Variants in ZNF846 observed in about 807,000 individuals in gnomAD.
ZNF846 encodes the protein zinc finger protein 846, also known as zinc finger protein 420 pseudogene.
In ZNF846, 15 loss-of-function variants were observed where a neutral mutation model predicts 16.0. That is an observed-to-expected ratio of 0.94 (90% CI 0.63 to 1.45). The LOEUF (loss-of-function observed/expected upper bound fraction) is 1.45. Among genes scored for constraint, ZNF846 ranks in the 40% most tolerant of loss-of-function variants. ZNF846 has a pLI of 0.00. For missense variants in ZNF846, 714 were observed against 622.3 expected (o/e 1.15, Z -1.57); for synonymous variants, 229 against 212.0 (o/e 1.08, Z -0.70).
downstream of ZNF846, among the ~76,000 whole-genome samples, chr19:9,755,790 ACTC>A (rs2045127341): frequency 2.3e-5 from 2 of 86,424 alleles, no homozygotes; most frequent in Admixed American, 1.4e-4. Flanking sequence ...ACAGAGCGAG[ACTC>A]CGTCTCAAAA....
At chr19:9,752,332 G>A (rs540838660) in exon 6 of ZNF846, 21 of 201,186 alleles carry the variant, frequency 1.0e-4, no homozygotes, top group Middle Eastern at 2.1e-3. Context: ...TCAAGGGCGG[G>A]TGTGGTGGCT....
intron 1 of ZNF846, among the ~76,000 whole-genome samples, chr19:9,784,939 CAGA>C (rs1181839427): frequency 1.3e-5 from 2 of 152,170 alleles, no homozygotes; most frequent in South Asian, 2.1e-4. Flanking sequence ...CATCTCAAAG[CAGA>C]AGAATTTTTC....
downstream of ZNF846, among the ~76,000 whole-genome samples, chr19:9,751,292 C>A (rs145110402): frequency 3.9e-5 from 6 of 152,292 alleles, no homozygotes; most frequent in East Asian, 9.6e-4. Context: ...CACCGCTAAT[C>A]CTGCTCAAAG....
intron 2 of ZNF846, 135 bp from the exon 3 acceptor site, chr19:9,763,543 A>G (rs575191064): frequency 1.4e-6 from 1 of 706,804 alleles, no homozygotes; most frequent in African/African-American, 1.8e-5. Flanking sequence ...CTCTATATAG[A>G]TATTGTCTTG....
At chr19:9,783,947 C>T (rs895480833) in intron 1 of ZNF846, among the ~76,000 whole-genome samples, 1 of 152,154 alleles carries the variant, frequency 6.6e-6, no homozygotes, top group Non-Finnish European at 1.5e-5. Context: ...AAGCGATCTG[C>T]CCGCTTCGGC....
At chr19:9,757,635 T>G in exon 6 of ZNF846, 1 of 1,613,662 alleles carries the variant, frequency 6.2e-7, no homozygotes, top group Non-Finnish European at 8.5e-7. Flanking sequence ...CCCACATTCT[T>G]TACATGCATA....
downstream of ZNF846, among the ~76,000 whole-genome samples, chr19:9,754,563 T>TCAAAAAAAAAA (rs776769152): frequency 1.9e-3 from 163 of 83,746 alleles, 8 homozygotes; most frequent in Admixed American, 4.4e-3. Context: ...AGACTCTGTC[T>TCAAAAAAAAAA]TAAAAAAAAA....
upstream of ZNF846, among the ~76,000 whole-genome samples, chr19:9,769,009 C>T (rs1287847813): frequency 6.6e-6 from 1 of 152,230 alleles, no homozygotes; most frequent in Non-Finnish European, 1.5e-5. Flanking sequence ...GGGCGGGGCA[C>T]GCGTGGAGGC....
intron 4 of ZNF846, among the ~76,000 whole-genome samples, chr19:9,761,302 T>C (rs1017269677): frequency 6.6e-6 from 1 of 151,778 alleles, no homozygotes; most frequent in Non-Finnish European, 1.5e-5. Context: ...CTAAAAAAAG[T>C]ATATGGCACA....
intron 4 of ZNF846, among the ~76,000 whole-genome samples, chr19:9,761,874 C>A (rs114592816): frequency 6.6e-6 from 1 of 152,010 alleles, no homozygotes; most frequent in Non-Finnish European, 1.5e-5. Context: ...GCAGACAAAC[C>A]TTTCTGAGAA....
At chr19:9,761,276 T>G (rs1469279632) in intron 4 of ZNF846, among the ~76,000 whole-genome samples, 1 of 151,972 alleles carries the variant, frequency 6.6e-6, no homozygotes, top group Non-Finnish European at 1.5e-5. Flanking sequence ...AAATGGTAAA[T>G]TTTTGTATAT....
chr19:9,766,461 T>C (rs1032317589), intron 1 of ZNF846, among the ~76,000 whole-genome samples: 7 of 151,616 alleles, frequency 4.6e-5, no homozygotes, highest in Admixed American at 4.6e-4. Flanking sequence ...TCACCCATTC[T>C]GTGGATCCAC....
chr19:9,762,153 A>C (rs369203525), exon 4 of ZNF846: 1 of 1,614,072 alleles, frequency 6.2e-7, no homozygotes, highest in South Asian at 1.1e-5. Context: ...ACTACGTTTG[A>C]ATAATTCAGA....
downstream of ZNF846, among the ~76,000 whole-genome samples, chr19:9,751,808 G>T (rs752243978): frequency 1.3e-5 from 2 of 152,044 alleles, no homozygotes; most frequent in African/African-American, 2.4e-5. Flanking sequence ...AAAAAAAGTC[G>T]CTCCTAACTC....
At chr19:9,751,007 C>T (rs943493720), downstream of ZNF846, among the ~76,000 whole-genome samples, 1 of 152,136 alleles carries the variant, frequency 6.6e-6, no homozygotes, top group Admixed American at 6.6e-5. Flanking sequence ...CTCAAAACCT[C>T]GCTAGTCAGG....
At chr19:9,752,841 AG>A (rs1248082508), downstream of ZNF846, among the ~76,000 whole-genome samples, 2 of 152,140 alleles carry the variant, frequency 1.3e-5, no homozygotes, top group Non-Finnish European at 2.9e-5. Flanking sequence ...GAATTTGAGT[AG>A]TTACTGCTAT....
At chr19:9,756,257 C>A (rs1186153665), downstream of ZNF846, 1 of 147,662 alleles carries the variant, frequency 6.8e-6, no homozygotes, top group Non-Finnish European at 1.5e-5. Context: ...GATTTCTCTC[C>A]AGTATGAATT....
At chr19:9,771,318 C>G (rs1023929403), upstream of ZNF846, among the ~76,000 whole-genome samples, 1 of 152,122 alleles carries the variant, frequency 6.6e-6, no homozygotes, top group Non-Finnish European at 1.5e-5. Flanking sequence ...AGTGAGATTA[C>G]AGACATGCGC....
At chr19:9,785,399 T>C (rs1010818671) in intron 1 of ZNF846, among the ~76,000 whole-genome samples, 1 of 151,948 alleles carries the variant, frequency 6.6e-6, no homozygotes, top group Non-Finnish European at 1.5e-5. Flanking sequence ...GGTTTCACCA[T>C]GTTGGCCAGT....
Sources: gnomAD v4.1 joint callset for allele counts (sites outside exome capture counted in the v4.1 genomes callset) on GRCh38, gnomAD v4.1.1 for gene constraint, MANE v1.5 for transcripts, NCBI Gene and HGNC (gene_info 2026-07-23, HGNC 2026-07-21) for gene names.